Variants in SYCE1L observed in about 807,000 individuals in gnomAD.
The protein encoded by SYCE1L is synaptonemal complex central element protein 1-like.
Under a neutral mutation model 39.6 loss-of-function variants are expected in SYCE1L, and 51 were observed. The observed-to-expected ratio is 1.29, with a 90% CI of 1.03 to 1.63. The LOEUF is 1.63. SYCE1L is among the 40% of genes most tolerant of loss of function. The probability of loss-of-function intolerance (pLI) is 0.00; values close to 1 mark genes in which losing one functional copy is unlikely to be tolerated. For missense variants in SYCE1L, 426 were observed against 304.9 expected, an observed-to-expected ratio of 1.40 and a Z score of -2.96; for synonymous variants, 147 against 122.4, an observed-to-expected ratio of 1.20 and a Z score of -1.33.
At chr16:77,207,217 C>G (rs187895932) in intron 2 of SYCE1L, among the ~76,000 whole-genome samples, 6 of 152,324 alleles carry the variant, frequency 3.9e-5, no homozygotes, top group African/African-American at 1.4e-4. Context: ...AGCACCCACT[C>G]TCCTGGAAAT....
At chr16:77,202,959 G>A (rs549772432) in intron 1 of SYCE1L, among the ~76,000 whole-genome samples, 1 of 126,732 alleles carries the variant, frequency 7.9e-6, no homozygotes, top group Non-Finnish European at 1.8e-5. Flanking sequence ...TGTTATTAAA[G>A]TAGCTTTACT....
At chr16:77,202,089 A>G (rs1325149699) in intron 1 of SYCE1L, 2 of 152,240 alleles carry the variant, frequency 1.3e-5, no homozygotes, top group African/African-American at 4.8e-5. Context: ...GTAGTCATAT[A>G]TAATTTTAAA....
Position 77,212,607 on chromosome 16 carries a change from G to C in SYCE1L, c.615G>C (p.Gln205His). Reference sequence around the variant, plus strand: ...CGGAGCTGGAGATATTCGGGGAGCAGGTCCGGAGCGCCCCCGAGGTCGGGG... The same window carrying C: ...CGGAGCTGGAGATATTCGGGGAGCACGTCCGGAGCGCCCCCGAGGTCGGGG... The part of the protein sequence containing the change: ...LKAELEIFGE[Q>H]VRSAPEVGAG... The change falls in exon 10 of 11, where the codon CAG (glutamine) becomes CAC (histidine). Residue 205 changes from glutamine to histidine, a missense_variant. Coordinates refer to ENST00000378644, the MANE Select transcript of SYCE1L (RefSeq NM_001129979.3). The C allele has an allele frequency of 6.5e-7, 1 of 1,536,134 alleles. No homozygotes were observed.
Position 77,209,530 on chromosome 16 carries a change from C to G in SYCE1L, c.359+59C>G. Reference sequence around the variant, plus strand: ...ATTCCCCAGCTGAAAAAGGAGGGAGCAAGAGCTGTGGAAATGAATCTTGGA... The same window carrying G: ...ATTCCCCAGCTGAAAAAGGAGGGAGGAAGAGCTGTGGAAATGAATCTTGGA... On this transcript the variant is annotated intron_variant, in intron 6 of 10. Coordinates refer to ENST00000378644, the MANE Select transcript of SYCE1L (RefSeq NM_001129979.3). The G allele has an allele frequency of 5.2e-6, 8 of 1,531,798 alleles. No individual in the cohort carries two copies. The South Asian group carries it at 8.4e-5, about 16-fold the overall frequency. 94.9% of individuals were successfully genotyped at this position (1,531,798 alleles called of 1,614,324 possible). A position where few individuals can be genotyped will look rare whatever the true frequency, so the allele number is the denominator to read the frequency against.
At position 77,212,280 on chromosome 16, in the gene SYCE1L, A is replaced by C; in HGVS notation, c.494-2A>C. On this transcript the variant is annotated splice_acceptor_variant, in intron 8 of 10. Coordinates refer to ENST00000378644, the MANE Select transcript of SYCE1L (RefSeq NM_001129979.3). LOFTEE classifies it high-confidence loss of function. ...CTGCCCCTGACGCCCGCCCACCGAC[A>C]GGGAGGCTGGTGCGCGCCAAGCTGC... The C allele has an allele frequency of 3.3e-6, 5 of 1,519,124 alleles. No individual in the cohort carries two copies. The highest frequency in any genetic ancestry group is 4.4e-6 in the Non-Finnish European group (5 of 1,134,226). 94.1% of individuals were successfully genotyped at this position (1,519,124 alleles called of 1,614,324 possible).
intron 2 of SYCE1L, 132 bp from the exon 3 acceptor site, chr16:77,208,078 G>C (rs1215021479): frequency 2.3e-6 from 2 of 878,702 alleles, no homozygotes; most frequent in African/African-American, 1.7e-5. Context: ...GGCTCTGGCA[G>C]AGCTCAACAC....
In SYCE1L at chr16:77,212,635, G is replaced by C. The variant is rs777036442; in HGVS notation, c.643G>C (p.Gly215Arg). 1 of 1,534,878 alleles carries C rather than the reference G, an allele frequency of 6.5e-7. No individual in the cohort carries two copies. The highest frequency in any genetic ancestry group is 1.4e-5 in the African/African-American group (1 of 72,980). ...QVRSAPEVGA[G>R]EGEAGPELPR... The stretch of plus-strand genomic sequence containing the variant: ...CCGGAGCGCCCCCGAGGTCGGGGCC[G>C]GCGAGGGAGAGGTAGGGAGCCCGAG... Residue 215 changes from glycine to arginine, a missense_variant, in exon 10 of 11, where the codon GGC becomes CGC. By Grantham distance (125) the Gly-to-Arg change is moderately radical. Coordinates refer to ENST00000378644, the MANE Select transcript of SYCE1L (RefSeq NM_001129979.3).
chr16:77,204,448 G>T (rs1315342034), intron 1 of SYCE1L, among the ~76,000 whole-genome samples: 1 of 152,166 alleles, frequency 6.6e-6, no homozygotes, highest in Non-Finnish European at 1.5e-5. Context: ...GGGAAATATA[G>T]ACACATAAAG....
At chr16:77,208,368 G>T in intron 3 of SYCE1L, 97 bp from the exon 4 acceptor site, 1 of 1,542,730 alleles carries the variant, frequency 6.5e-7, no homozygotes, top group Non-Finnish European at 8.8e-7. Context: ...GGCCCCTCTA[G>T]GGTTGTTTGA....
rs1436670420 is a variant in SYCE1L, at chr16:77,213,098, A to T, written c.*167A>T. 1.6e-6 allele frequency: 1 copy of T among 630,924 alleles called. No homozygotes were observed. The highest frequency in any genetic ancestry group is 3.4e-5 in the East Asian group (1 of 29,460). 39.1% of individuals were successfully genotyped at this position (630,924 alleles called of 1,614,324 possible). A position where few individuals can be genotyped will look rare whatever the true frequency, so the allele number is the denominator to read the frequency against. On this transcript the variant is annotated 3_prime_UTR_variant, in exon 11 of 11. Coordinates refer to ENST00000378644, the MANE Select transcript of SYCE1L (RefSeq NM_001129979.3). ...GGGCCTCTGCCGGACCCCTCCCACC[A>T]GTCGAGCCCCGGGCGCCGTACAGAG...
chr16:77,212,906 C>G lies in SYCE1L; in HGVS notation c.704C>G (p.Pro235Arg). ...RARDEEDPEP[P>R]VAAPDAL ...CGCGACGAGGAGGATCCCGAGCCGC[C>G]GGTGGCTGCCCCTGACGCCCTCTAG... Residue 235 changes from proline (P) to arginine (R), a missense_variant, in exon 11 of 11, where the codon CCG becomes CGG. Physicochemically the swap from Pro to Arg is moderately radical, Grantham distance 103. Coordinates refer to ENST00000378644, the MANE Select transcript of SYCE1L (RefSeq NM_001129979.3). The G allele has an allele frequency of 6.5e-7, 1 of 1,529,168 alleles. No homozygotes were observed. Among genetic ancestry groups the G allele is most frequent in the South Asian group, 1.2e-5 (1 of 82,644 alleles). 94.7% of individuals were successfully genotyped at this position (1,529,168 alleles called of 1,614,324 possible).
chr16:77,200,816 C>T (rs965838427), intron 1 of SYCE1L: 2 of 151,400 alleles, frequency 1.3e-5, no homozygotes, highest in South Asian at 4.2e-4. Flanking sequence ...ATTTGTATGC[C>T]ACTAGCATTT....
intron 6 of SYCE1L, among the ~76,000 whole-genome samples, chr16:77,210,089 C>T (rs1407749460): frequency 6.6e-6 from 1 of 152,216 alleles, no homozygotes; most frequent in Non-Finnish European, 1.5e-5. Flanking sequence ...AATCAGCTAT[C>T]ATTTCTCCAG....
chr16:77,208,234 A>C lies in SYCE1L; in HGVS notation c.146A>C (p.Glu49Ala). 6.4e-7 allele frequency: 1 copy of C among 1,551,682 alleles called. No homozygotes were observed. The highest frequency in any genetic ancestry group is 1.2e-5 in the South Asian group (1 of 84,060). ...QKEGSLEPQIEDLISRINDLQ... is the reference protein window; with the variant it reads ...QKEGSLEPQIADLISRINDLQ... ...GAGGGAAGCCTGGAGCCACAGATAG[A>C]GGACCTGATTAGCCGGATTAATGAT... The change falls in exon 3 of 11, where the codon GAG becomes GCG. Residue 49 changes from glutamate to alanine, a missense_variant. Physicochemically the swap from Glu to Ala is moderately radical, Grantham distance 107. Transcript: ENST00000378644.
At position 77,212,944 on chromosome 16, in the gene SYCE1L, C is replaced by A. The variant is rs1420655529; in HGVS notation, c.*13C>A. 1 of 1,491,994 alleles carries A rather than the reference C, an allele frequency of 6.7e-7. No homozygotes were observed. The highest frequency in any genetic ancestry group is 8.9e-7 in the Non-Finnish European group (1 of 1,122,646). The allele number at this position is 1,491,994 out of a possible 1,614,324, so 92.4% of individuals were successfully genotyped here. ...TGACGCCCTCTAGGCCAGCAGGACC[C>A]GCCCGTTCCCGACCTTCCCTCGAGA... is the stretch of plus-strand genomic sequence containing the variant. On this transcript the variant is annotated 3_prime_UTR_variant, in exon 11 of 11. Transcript: ENST00000378644.
chr16:77,212,937 C>T lies in SYCE1L; in HGVS notation c.*6C>T, dbSNP rs1204842799. ...CTGCCCCTGACGCCCTCTAGGCCAGCAGGACCCGCCCGTTCCCGACCTTCC... is the reference window on the plus strand; with the variant it reads ...CTGCCCCTGACGCCCTCTAGGCCAGTAGGACCCGCCCGTTCCCGACCTTCC... On this transcript the variant is annotated 3_prime_UTR_variant, in exon 11 of 11. Coordinates refer to ENST00000378644, the MANE Select transcript of SYCE1L (RefSeq NM_001129979.3). 2.7e-6 allele frequency: 4 copies of T among 1,508,530 alleles called. No homozygotes were observed. The highest frequency in any genetic ancestry group is 3.5e-6 in the Non-Finnish European group (4 of 1,130,408). The allele number at this position is 1,508,530 out of a possible 1,614,324, so 93.4% of individuals were successfully genotyped here.
At chr16:77,206,166 C>G (rs186905488) in intron 1 of SYCE1L, among the ~76,000 whole-genome samples, 52 of 152,298 alleles carry the variant, frequency 3.4e-4, no homozygotes, top group African/African-American at 1.1e-3. Context: ...GCATTCTCTT[C>G]TCTCACCCCT....
chr16:77,210,549 T>G (rs1264051859), intron 6 of SYCE1L, among the ~76,000 whole-genome samples: 1 of 152,006 alleles, frequency 6.6e-6, no homozygotes, highest in Admixed American at 6.6e-5. Context: ...CACCCTCCCA[T>G]CACTACCACC....
At chr16:77,212,803 G>A (rs1253194165) in intron 10 of SYCE1L, 54 bp from the exon 11 acceptor site, 3 of 1,434,356 alleles carry the variant, frequency 2.1e-6, no homozygotes, top group African/African-American at 1.5e-5. Flanking sequence ...GCAGACGCGG[G>A]CGGACGCGAG....
Sources: allele counts gnomAD v4.1 joint callset (sites outside exome capture counted in the v4.1 genomes callset), GRCh38; gene constraint gnomAD v4.1.1; transcripts MANE v1.5; gene names NCBI Gene and HGNC (gene_info 2026-07-23, HGNC 2026-07-21).